GPRIN3: variants seen among roughly 807,000 people sequenced by gnomAD.
GPRIN3 encodes the protein G protein-regulated inducer of neurite outgrowth 3.
In GPRIN3, 12 loss-of-function variants were observed where a neutral mutation model predicts 13.7. The observed-to-expected ratio is 0.87, with a 90% confidence interval of 0.56 to 1.42. The LOEUF (loss-of-function observed/expected upper bound fraction) is 1.42. GPRIN3 is among the 40% of genes most tolerant of loss of function. The probability of loss-of-function intolerance (pLI) is 0.00; values close to 1 mark genes in which losing one functional copy is unlikely to be tolerated. For missense variants in GPRIN3, 1,009 were observed against 958.7 expected (o/e 1.05, Z -0.69); for synonymous variants, 377 against 372.7 (o/e 1.01, Z -0.13).
chr4:89,268,377 G>A (rs1328372740), intron 1 of GPRIN3, among the ~76,000 whole-genome samples: 4 of 152,250 alleles, frequency 2.6e-5, no homozygotes, highest in Non-Finnish European at 5.9e-5. Context: ...AAGAATCAGG[G>A]ATGATTCTAA....
At chr4:89,297,781 C>T (rs1289366253) in intron 1 of GPRIN3, among the ~76,000 whole-genome samples, 1 of 152,114 alleles carries the variant, frequency 6.6e-6, no homozygotes, top group Non-Finnish European at 1.5e-5. Flanking sequence ...ATTTACAGTC[C>T]CATTGGAATG....
intron 1 of GPRIN3, among the ~76,000 whole-genome samples, chr4:89,284,615 C>A (rs1409806808): frequency 6.6e-6 from 1 of 152,182 alleles, no homozygotes; most frequent in African/African-American, 2.4e-5. Flanking sequence ...CTAACAGGAA[C>A]TCACCACCAG....
At chr4:89,254,640 A>T (rs1723420207) in intron 1 of GPRIN3, among the ~76,000 whole-genome samples, 1 of 152,102 alleles carries the variant, frequency 6.6e-6, no homozygotes, top group Admixed American at 6.5e-5. Flanking sequence ...CTGGGCATTT[A>T]GGTTGATTCC....
Position 89,245,304 on chromosome 4 carries a change from G to A in GPRIN3, c.*2476C>T, listed in dbSNP as rs1388022499. 6.6e-6 allele frequency: 1 copy of A among 152,178 alleles called. No individual in the cohort carries two copies. The highest frequency in any genetic ancestry group is 6.5e-5 in the Admixed American group (1 of 15,272). 9.4% of individuals were successfully genotyped at this position (152,178 alleles called of 1,614,324 possible). A position where few individuals can be genotyped will look rare whatever the true frequency, so the allele number is the denominator to read the frequency against. ...TTGTGACAATCTCTTGAGTGTTGTA[G>A]AAGTGAAGAATTTGGTCCCAGCACC... On this transcript the variant is annotated 3_prime_UTR_variant, in exon 2 of 2. Transcript: ENST00000609438.
chr4:89,277,432 T>C (rs1724125132), intron 1 of GPRIN3, among the ~76,000 whole-genome samples: 1 of 152,186 alleles, frequency 6.6e-6, no homozygotes, highest in African/African-American at 2.4e-5. Context: ...TCACTATCCC[T>C]GGCTGCTGAC....
At chr4:89,253,938 T>G (rs1350811939) in intron 1 of GPRIN3, among the ~76,000 whole-genome samples, 2 of 152,184 alleles carry the variant, frequency 1.3e-5, no homozygotes, top group Non-Finnish European at 2.9e-5. Context: ...ATCTATGGGC[T>G]CCAGTGGGTC....
chr4:89,247,818 A>G lies in GPRIN3; in HGVS notation c.2293T>C (p.Cys765Arg), dbSNP rs1398565945. 2 of 1,613,724 alleles carry G rather than the reference A, an allele frequency of 1.2e-6. No homozygotes were observed. Among genetic ancestry groups the G allele is most frequent in the African/African-American group, 2.7e-5 (2 of 74,928 alleles). The part of the protein sequence containing the change: ...SMLQNFRRPN[C>R]CVRPAPSSVL... ...GAAGACGGGGCAGGACGGACGCAGC[A>G]GTTGGGGCGTCGGAAGTTCTGCAGC... Residue 765 changes from cysteine to arginine, a missense_variant, in exon 2 of 2, where the codon TGC (cysteine) becomes CGC (arginine). Physicochemically the swap from Cys to Arg is radical, Grantham distance 180 (BLOSUM62 -3). Transcript: ENST00000609438.
intron 1 of GPRIN3, among the ~76,000 whole-genome samples, chr4:89,283,190 C>T (rs1724303577): frequency 6.6e-6 from 1 of 152,082 alleles, no homozygotes; most frequent in African/African-American, 2.4e-5. Context: ...AACAATAGGC[C>T]TATGTAGCAC....
intron 1 of GPRIN3, among the ~76,000 whole-genome samples, chr4:89,284,635 C>G (rs566026723): frequency 5.0e-4 from 76 of 152,310 alleles, no homozygotes; most frequent in Middle Eastern, 3.4e-3. Context: ...GGTCTACCTT[C>G]CAAGTCCACT....
At chr4:89,281,696 C>A (rs1436846053) in intron 1 of GPRIN3, among the ~76,000 whole-genome samples, 2 of 152,184 alleles carry the variant, frequency 1.3e-5, no homozygotes, top group Non-Finnish European at 2.9e-5. Context: ...AGATGATTAG[C>A]CCACAGAACA....
At chr4:89,272,159 C>T (rs1209932912) in intron 1 of GPRIN3, among the ~76,000 whole-genome samples, 2 of 152,124 alleles carry the variant, frequency 1.3e-5, no homozygotes, top group Non-Finnish European at 2.9e-5. Flanking sequence ...TTACAGCAGC[C>T]TGAAAGGACT....
chr4:89,292,088 T>C (rs1416297471), intron 1 of GPRIN3, among the ~76,000 whole-genome samples: 1 of 152,114 alleles, frequency 6.6e-6, no homozygotes, highest in East Asian at 1.9e-4. Context: ...GATTTGCAAA[T>C]AACACATGCT....
chr4:89,249,008 T>G lies in GPRIN3; in HGVS notation c.1103A>C (p.His368Pro). ...CGTGCTGTCAGAGAGCTCCAGTGTG[T>G]GGCTCCCACTGCTGTGGCAAATGAC... ...LRVICHSSGS[H>P]TLELSDSTLA... is the part of the protein sequence containing the mutation. Residue 368 changes from histidine to proline, a missense_variant, in exon 2 of 2, where the codon CAC (histidine) becomes CCC (proline). Transcript: ENST00000609438. The G allele has an allele frequency of 6.2e-7, 1 of 1,614,186 alleles. No homozygotes were observed. Among genetic ancestry groups the G allele is most frequent in the South Asian group, 1.1e-5 (1 of 91,086 alleles).
chr4:89,301,294 T>C (rs1296322081), intron 1 of GPRIN3, among the ~76,000 whole-genome samples: 1 of 152,202 alleles, frequency 6.6e-6, no homozygotes, highest in African/African-American at 2.4e-5. Flanking sequence ...AGCACATTCA[T>C]ATCACAGAGT....
In GPRIN3 at chr4:89,255,706, T is replaced by C. The variant is rs565397775; in HGVS notation, c.-123-5473A>G. 2.0e-5 allele frequency among the ~76,000 whole-genome samples: 3 copies of C among 152,300 alleles called. No individual in the cohort carries two copies. The South Asian group carries it at 6.2e-4, about 32-fold the overall frequency. On this transcript the variant is annotated intron_variant, in intron 1 of 1. Transcript: ENST00000609438. ...CAAAGCGATCAGATGTCAGGGATGGTGAATTCTCTCTAAGCTGGCTTAGCA... is the reference window on the plus strand; with the variant it reads ...CAAAGCGATCAGATGTCAGGGATGGCGAATTCTCTCTAAGCTGGCTTAGCA...
chr4:89,255,044 G>T (rs1453569366), intron 1 of GPRIN3, among the ~76,000 whole-genome samples: 2 of 152,160 alleles, frequency 1.3e-5, no homozygotes, highest in African/African-American at 4.8e-5. Context: ...TTACTTACCT[G>T]GGGTTGTGTG....
Position 89,248,943 on chromosome 4 carries a change from G to T in GPRIN3, c.1168C>A (p.Pro390Thr). 1 of 1,614,148 alleles carries T rather than the reference G, an allele frequency of 6.2e-7. No individual in the cohort carries two copies. The highest frequency in any genetic ancestry group is 1.3e-5 in the African/African-American group (1 of 75,054). Reference sequence around the variant, plus strand: ...GCAGCTGCCTGAATGTGCACCTGTGGCATGATGCCAGGGCACTGGCTGGAC... The same window carrying T: ...GCAGCTGCCTGAATGTGCACCTGTGTCATGATGCCAGGGCACTGGCTGGAC... ...QESSQCPGIM[P>T]QVHIQAAAAE... Residue 390 changes from proline (P) to threonine (T), a missense_variant, in exon 2 of 2, where the codon CCA (proline) becomes ACA (threonine). Transcript: ENST00000609438.
intron 1 of GPRIN3, among the ~76,000 whole-genome samples, chr4:89,258,758 T>C (rs1723549904): frequency 6.6e-6 from 1 of 152,162 alleles, no homozygotes; most frequent in Non-Finnish European, 1.5e-5. Flanking sequence ...TCAAATTCCT[T>C]CAGCTTAAAA....
In GPRIN3 at chr4:89,237,733, T is replaced by A. The variant is rs1027222025; in HGVS notation, c.*10047A>T. On this transcript the variant is annotated 3_prime_UTR_variant, in exon 2 of 2. Transcript: ENST00000609438. The stretch of plus-strand genomic sequence containing the variant: ...ACAGGGTGGTTGACCAAAAGTGATC[T>A]TATATTGTTTACAAAAGGCAAACCC... 6.6e-6 allele frequency: 1 copy of A among 152,226 alleles called. No individual in the cohort carries two copies. Among genetic ancestry groups the A allele is most frequent in the African/African-American group, 2.4e-5 (1 of 41,460 alleles). 9.4% of individuals were successfully genotyped at this position (152,226 alleles called of 1,614,324 possible).
Sources: allele counts gnomAD v4.1 joint callset (sites outside exome capture counted in the v4.1 genomes callset), GRCh38; gene constraint gnomAD v4.1.1; transcripts MANE v1.5; gene names NCBI Gene and HGNC (gene_info 2026-07-23, HGNC 2026-07-21).